Variants in KCNQ1 observed in about 807,000 individuals in gnomAD.
The protein encoded by KCNQ1 is potassium voltage-gated channel subfamily KQT member 1.
KCNQ1 carries 49 observed loss-of-function variants against 72.4 expected under a neutral mutation model. The ratio of observed to expected loss-of-function variants is 0.68; its 90% CI spans 0.54 to 0.86. The LOEUF is 0.86. KCNQ1 is among the 40% of genes least tolerant of loss of function. The probability of loss-of-function intolerance (pLI) is 0.00; values close to 1 mark genes in which losing one functional copy is unlikely to be tolerated. For missense variants in KCNQ1, 790 were observed against 945.1 expected (o/e 0.84, Z 2.15); for synonymous variants, 450 against 412.6 (o/e 1.09, Z -1.10).
Position 2,493,254 on chromosome 11 carries a change from C to A in KCNQ1, c.387-34674C>A, listed in dbSNP as rs767993336. Among the ~76,000 whole-genome samples the A allele has an allele frequency of 6.6e-6, 1 of 151,938 alleles. No homozygotes were observed. The highest frequency in any genetic ancestry group is 2.4e-5 in the African/African-American group (1 of 41,350). On this transcript the variant is annotated intron_variant, in intron 1 of 15. Transcript: ENST00000155840. This position sits in a 1 kb window ranked among gnomAD's most constrained non-coding sequence, Gnocchi z 5.3. ...TCCTTGTAGATTTTGGATATTAGAC[C>A]TTGTCAGATGGATAGATTGCAAATA...
rs956186158 is a variant in KCNQ1, at chr11:2,762,568, G to A, written c.1515-6276G>A. 7.9e-5 allele frequency among the ~76,000 whole-genome samples: 12 copies of A among 152,308 alleles called. No homozygotes were observed. The South Asian group carries it at 1.5e-3, about 18-fold the overall frequency. On this transcript the variant is annotated intron_variant, in intron 11 of 15. Coordinates refer to ENST00000155840, the MANE Select transcript of KCNQ1 (RefSeq NM_000218.3). The surrounding 1 kb of genome is among the most constrained non-coding windows in gnomAD (Gnocchi z 4.3). ...TCCACGGGTCCCCAGGCCACAGACC[G>A]GTACCCATCCATAGACTGTTAGGAA...
chr11:2,633,490 T>A, intron 10 of KCNQ1: 1 of 398,620 alleles, frequency 2.5e-6, no homozygotes, highest in Non-Finnish European at 4.4e-6. Flanking sequence ...CTTCTAGTAC[T>A]GTTTGCTTCA....
rs991974432 is a variant in KCNQ1 at position 2,601,501 on chromosome 11, C to A, written c.1393+12647C>A. Among the ~76,000 whole-genome samples, 1 of 152,200 alleles carries A rather than the reference C, an allele frequency of 6.6e-6. No homozygotes were observed. Among genetic ancestry groups the A allele is most frequent in the Admixed American group, 6.5e-5 (1 of 15,272 alleles). On this transcript the variant is annotated intron_variant, in intron 10 of 15. Coordinates refer to ENST00000155840, the MANE Select transcript of KCNQ1 (RefSeq NM_000218.3). This position sits in a 1 kb window ranked among gnomAD's most constrained non-coding sequence, Gnocchi z 5.2. ...AATATGATAACCAGGATGTCAACAG[C>A]AAGAGTCCAGATGCAGAGTGCTCCC...
rs963144552 is a variant in KCNQ1 at position 2,536,559 on chromosome 11, G to A, written c.477+8541G>A. ...CGGGAGGGTAACATGTGATTTTGAG[G>A]CCACCCGCTACAGCTTCTTGGGACC... On this transcript the variant is annotated intron_variant, in intron 2 of 15. Transcript: ENST00000155840. This position sits in a 1 kb window ranked among gnomAD's most constrained non-coding sequence, Gnocchi z 7.4. Among the ~76,000 whole-genome samples, 2 of 152,142 alleles carry A rather than the reference G, an allele frequency of 1.3e-5. No individual in the cohort carries two copies. Among genetic ancestry groups the A allele is most frequent in the Admixed American group, 6.5e-5 (1 of 15,278 alleles).
chr11:2,707,710 G>A (rs1850933560), intron 11 of KCNQ1, among the ~76,000 whole-genome samples: 1 of 152,356 alleles, frequency 6.6e-6, no homozygotes, highest in East Asian at 1.9e-4. Flanking sequence ...GTAGAGATGG[G>A]AAAACTGAGG....
chr11:2,693,528 C>G (rs533497180), intron 11 of KCNQ1: 3 of 398,664 alleles, frequency 7.5e-6, no homozygotes, highest in African/African-American at 2.1e-5. Flanking sequence ...GGCTGAGGCC[C>G]GGGCTGCTAG....
chr11:2,538,168 G>A lies in KCNQ1; in HGVS notation c.477+10150G>A, dbSNP rs549781283. Among the ~76,000 whole-genome samples the A allele has an allele frequency of 5.9e-5, 9 of 152,334 alleles. No individual in the cohort carries two copies. The South Asian group carries it at 1.7e-3, about 28-fold the overall frequency. ...GACACCGCTGTCCATTTCACAGCCT[G>A]CATTTAAGGCTCGTCACTGGTCCCA... On this transcript the variant is annotated intron_variant, in intron 2 of 15. Transcript: ENST00000155840. This position sits in a 1 kb window ranked among gnomAD's most constrained non-coding sequence, Gnocchi z 6.7.
At position 2,473,959 on chromosome 11, in the gene KCNQ1, G is replaced by A. The variant is rs1247025616; in HGVS notation, c.386+28475G>A. On this transcript the variant is annotated intron_variant, in intron 1 of 15. Coordinates refer to ENST00000155840, the MANE Select transcript of KCNQ1 (RefSeq NM_000218.3). This position sits in a 1 kb window ranked among gnomAD's most constrained non-coding sequence, Gnocchi z 6.0. ...GCAAAATAGGCCTGATGCCAGGAAC[G>A]GGGCACTGCAGGGCCCTTGGGAGGG... 2.0e-5 allele frequency among the ~76,000 whole-genome samples: 3 copies of A among 152,236 alleles called. No homozygotes were observed. Among genetic ancestry groups the A allele is most frequent in the African/African-American group, 2.4e-5 (1 of 41,476 alleles).
At chr11:2,584,617 C>G (rs1456090331) in intron 7 of KCNQ1, among the ~76,000 whole-genome samples, 4 of 140,476 alleles carry the variant, frequency 2.8e-5, no homozygotes, top group East Asian at 2.1e-4. Context: ...GTGTGGGTTA[C>G]TGTGTGTTAG....
Position 2,567,472 on chromosome 11 carries a change from C to T in KCNQ1, c.478-3156C>T, listed in dbSNP as rs533379553. Among the ~76,000 whole-genome samples, 16 of 152,250 alleles carry T rather than the reference C, an allele frequency of 1.1e-4. No individual in the cohort carries two copies. The highest frequency in any genetic ancestry group is 3.9e-4 in the African/African-American group (16 of 41,532). ...CCTGTCCCCAGCTGAGTGTGAGCTCCCTGGGGTCTTGCTGTGGCCTTGGCC... is the reference window on the plus strand; with the variant it reads ...CCTGTCCCCAGCTGAGTGTGAGCTCTCTGGGGTCTTGCTGTGGCCTTGGCC... On this transcript the variant is annotated intron_variant, in intron 2 of 15. Coordinates refer to ENST00000155840, the MANE Select transcript of KCNQ1 (RefSeq NM_000218.3). The surrounding 1 kb of genome is among the most constrained non-coding windows in gnomAD (Gnocchi z 6.6).
rs1850593571 is a variant in KCNQ1, at chr11:2,691,827, TC to T, written c.1514+29747del. 2.5e-6 allele frequency: 1 copy of T among 398,582 alleles called. No homozygotes were observed. The highest frequency in any genetic ancestry group is 4.4e-5 in the Admixed American group (1 of 22,722). The allele number at this position is 398,582 out of a possible 1,614,324, so 24.7% of individuals were successfully genotyped here. A position where few individuals can be genotyped will look rare whatever the true frequency, so the allele number is the denominator to read the frequency against. ...CACAAGCACTGGATCCAATGTGACC[TC>T]TGCCAGGACCATGACCCCTAGGTCC... On this transcript the variant is annotated intron_variant, in intron 11 of 15. Transcript: ENST00000155840. This position sits in a 1 kb window ranked among gnomAD's most constrained non-coding sequence, Gnocchi z 6.4.
chr11:2,701,420 T>C (rs565005815), intron 11 of KCNQ1, among the ~76,000 whole-genome samples: 2 of 152,236 alleles, frequency 1.3e-5, no homozygotes, highest in South Asian at 4.1e-4. Flanking sequence ...AGTTCATGTG[T>C]CTGATCAGAG....
chr11:2,546,441 A>G (rs535713462), intron 2 of KCNQ1, among the ~76,000 whole-genome samples: 85 of 152,324 alleles, frequency 5.6e-4, no homozygotes, highest in African/African-American at 1.7e-3. Flanking sequence ...ATAAATGTCA[A>G]TGAGACTAAT....
chr11:2,679,719 T>C lies in KCNQ1; in HGVS notation c.1514+17638T>C. The stretch of plus-strand genomic sequence containing the variant: ...TTTAAATCAGCCGTTCTCTGTATTC[T>C]TGTCCAGATGCTGTGGACAGTGATG... On this transcript the variant is annotated intron_variant, in intron 11 of 15. Transcript: ENST00000155840. This position sits in a 1 kb window ranked among gnomAD's most constrained non-coding sequence, Gnocchi z 4.8. 1 of 398,602 alleles carries C rather than the reference T, an allele frequency of 2.5e-6. No homozygotes were observed. Among genetic ancestry groups the C allele is most frequent in the Non-Finnish European group, 4.4e-6 (1 of 226,058 alleles). The allele number at this position is 398,602 out of a possible 1,614,324, so 24.7% of individuals were successfully genotyped here. A position where few individuals can be genotyped will look rare whatever the true frequency, so the allele number is the denominator to read the frequency against.
At chr11:2,831,347 G>T (rs553659086) in intron 15 of KCNQ1, among the ~76,000 whole-genome samples, 1 of 152,112 alleles carries the variant, frequency 6.6e-6, no homozygotes, top group African/African-American at 2.4e-5. Context: ...GACCAGTGGC[G>T]GCTGGAAATA....
In KCNQ1 at chr11:2,660,410, T is replaced by G. The variant is rs938663685; in HGVS notation, c.1394-1551T>G. 1.8e-5 allele frequency: 7 copies of G among 398,514 alleles called. No homozygotes were observed. In the Admixed American group the frequency reaches 2.2e-4, roughly 13 times the overall value. The allele number at this position is 398,514 out of a possible 1,614,324, so 24.7% of individuals were successfully genotyped here. ...TTCCTTTTTTATAAAGCAAAAGATG[T>G]ATCACTTTAAAAACATAAAACATTT... On this transcript the variant is annotated intron_variant, in intron 10 of 15. Coordinates refer to ENST00000155840, the MANE Select transcript of KCNQ1 (RefSeq NM_000218.3).
chr11:2,769,199 C>T lies in KCNQ1; in HGVS notation c.1590+280C>T, dbSNP rs1846549383. On this transcript the variant is annotated intron_variant, in intron 12 of 15. Transcript: ENST00000155840. This position sits in a 1 kb window ranked among gnomAD's most constrained non-coding sequence, Gnocchi z 4.6. ...TAGAAGGCAGCAGCCGTGTAGCTCA[C>T]TCAGTCCTCCCGTGGGGTGGGTCGT... Among the ~76,000 whole-genome samples the T allele has an allele frequency of 6.6e-6, 1 of 152,124 alleles. No homozygotes were observed. Among genetic ancestry groups the T allele is most frequent in the Non-Finnish European group, 1.5e-5 (1 of 68,028 alleles).
Position 2,652,876 on chromosome 11 carries a change from T to A in KCNQ1, c.1394-9085T>A. 2.5e-6 allele frequency: 1 copy of A among 398,592 alleles called. No homozygotes were observed. Among genetic ancestry groups the A allele is most frequent in the Non-Finnish European group, 4.4e-6 (1 of 226,100 alleles). The allele number at this position is 398,592 out of a possible 1,614,324, so 24.7% of individuals were successfully genotyped here. On this transcript the variant is annotated intron_variant, in intron 10 of 15. Coordinates refer to ENST00000155840, the MANE Select transcript of KCNQ1 (RefSeq NM_000218.3). The surrounding 1 kb of genome is among the most constrained non-coding windows in gnomAD (Gnocchi z 5.9). Reference sequence around the variant, plus strand: ...TTGCTATACTTATTCTAAGGAGAAGTGTTTGGGGTGTGGGGTGTGGTCCTC... The same window carrying A: ...TTGCTATACTTATTCTAAGGAGAAGAGTTTGGGGTGTGGGGTGTGGTCCTC...
chr11:2,531,326 G>C (rs889894846), intron 2 of KCNQ1, among the ~76,000 whole-genome samples: 1 of 152,098 alleles, frequency 6.6e-6, no homozygotes, highest in African/African-American at 2.4e-5. Context: ...TCATGTGCCC[G>C]TCTGCAGCCC....
Sources: gnomAD v4.1 joint callset for allele counts (sites outside exome capture counted in the v4.1 genomes callset) on GRCh38, gnomAD v4.1.1 for gene constraint, Gnocchi (gnomAD v3.1) non-coding constraint, MANE v1.5 for transcripts, NCBI Gene and HGNC (gene_info 2026-07-23, HGNC 2026-07-21) for gene names.